The following FAM81B variants were observed in gnomAD, a reference collection of about 807,000 sequenced individuals.
FAM81B encodes protein FAM81B.
In FAM81B, 60 loss-of-function variants were observed where a neutral mutation model predicts 58.7. The ratio of observed to expected loss-of-function variants is 1.02; its 90% CI spans 0.83 to 1.27. FAM81B has a LOEUF of 1.27. FAM81B is among the 50% of genes most tolerant of loss of function. FAM81B has a pLI of 0.00. For missense variants in FAM81B, 491 were observed against 522.0 expected (o/e 0.94, Z 0.58); for synonymous variants, 189 against 179.6 (o/e 1.05, Z -0.42).
At chr5:95,416,228 A>T (rs928067292) in intron 4 of FAM81B, among the ~76,000 whole-genome samples, 1 of 152,244 alleles carries the variant, frequency 6.6e-6, no homozygotes, top group African/African-American at 2.4e-5. Context: ...GTATTTTAAA[A>T]GAACCTAACC....
At chr5:95,437,406 C>T (rs1745148251) in intron 7 of FAM81B, among the ~76,000 whole-genome samples, 1 of 152,124 alleles carries the variant, frequency 6.6e-6, no homozygotes, top group Non-Finnish European at 1.5e-5. Flanking sequence ...AGTGCAGTGG[C>T]GCGTCTCTGC....
At chr5:95,427,141 T>G (rs972153707) in intron 5 of FAM81B, among the ~76,000 whole-genome samples, 1 of 152,062 alleles carries the variant, frequency 6.6e-6, no homozygotes, top group Non-Finnish European at 1.5e-5. Context: ...TTTTAACCAG[T>G]AGCCTCCACT....
intron 5 of FAM81B, among the ~76,000 whole-genome samples, chr5:95,421,458 A>C (rs1762681565): frequency 6.6e-6 from 1 of 152,208 alleles, no homozygotes; most frequent in South Asian, 2.1e-4. Flanking sequence ...TACCTGGGAG[A>C]ATGGCATTTT....
At chr5:95,439,264 A>ATATC (rs1259609058) in intron 7 of FAM81B, among the ~76,000 whole-genome samples, 1 of 142,594 alleles carries the variant, frequency 7.0e-6, no homozygotes, top group Non-Finnish European at 1.5e-5. Context: ...ATATATATAT[A>ATATC]TGTATATTTT....
chr5:95,441,438 G>A (rs1359451909), intron 7 of FAM81B, among the ~76,000 whole-genome samples: 3 of 151,892 alleles, frequency 2.0e-5, no homozygotes, highest in Non-Finnish European at 2.9e-5. Context: ...CCGTGGTGGC[G>A]GGCGCCTGTA....
At chr5:95,440,154 G>T (rs550801278) in intron 7 of FAM81B, 2 of 584,460 alleles carry the variant, frequency 3.4e-6, no homozygotes, top group East Asian at 4.1e-5. Flanking sequence ...TTTGAAAAGT[G>T]TCTCAGAGGT....
At chr5:95,443,689 G>A (rs1294950112) in intron 7 of FAM81B, among the ~76,000 whole-genome samples, 2 of 152,264 alleles carry the variant, frequency 1.3e-5, no homozygotes, top group African/African-American at 2.4e-5. Flanking sequence ...ATCTCTCAAG[G>A]AGATTGCTAT....
At chr5:95,446,100 G>A (rs568164042) in intron 7 of FAM81B, among the ~76,000 whole-genome samples, 5 of 152,294 alleles carry the variant, frequency 3.3e-5, no homozygotes, top group African/African-American at 1.2e-4. Flanking sequence ...GCATTGAGTG[G>A]TTGCAACAGA....
intron 3 of FAM81B, among the ~76,000 whole-genome samples, chr5:95,404,144 C>T (rs1324171782): frequency 1.3e-5 from 2 of 152,140 alleles, no homozygotes; most frequent in South Asian, 4.1e-4. Context: ...AGCACTGGCT[C>T]AAAGAAAATA....
At chr5:95,429,179 G>A (rs1744764624) in intron 6 of FAM81B, among the ~76,000 whole-genome samples, 1 of 152,120 alleles carries the variant, frequency 6.6e-6, no homozygotes, top group African/African-American at 2.4e-5. Flanking sequence ...TAAGTCCTTT[G>A]GTTGGTCTGG....
At chr5:95,433,263 T>C (rs1050859862) in intron 6 of FAM81B, among the ~76,000 whole-genome samples, 7 of 150,388 alleles carry the variant, frequency 4.7e-5, no homozygotes, top group African/African-American at 1.7e-4. Flanking sequence ...AGGTGAAGGG[T>C]AGCAAAGGCA....
intron 6 of FAM81B, among the ~76,000 whole-genome samples, chr5:95,430,126 C>T (rs1248816208): frequency 6.6e-6 from 1 of 152,056 alleles, no homozygotes; most frequent in Non-Finnish European, 1.5e-5. Flanking sequence ...TCAAAAGTGA[C>T]ATTGGACTAT....
At chr5:95,417,154 G>A (rs966143913) in intron 4 of FAM81B, among the ~76,000 whole-genome samples, 2 of 152,184 alleles carry the variant, frequency 1.3e-5, no homozygotes, top group African/African-American at 4.8e-5. Context: ...TGAATACTGT[G>A]AAAGCTCTTG....
At chr5:95,434,874 T>G (rs1745040319) in intron 6 of FAM81B, among the ~76,000 whole-genome samples, 1 of 152,260 alleles carries the variant, frequency 6.6e-6, no homozygotes, top group Non-Finnish European at 1.5e-5. Flanking sequence ...GATTTACTCT[T>G]CGGCACTTGT....
intron 5 of FAM81B, chr5:95,424,167 AAC>A: frequency 7.8e-7 from 1 of 1,289,842 alleles, no homozygotes; most frequent in South Asian, 1.2e-5. Flanking sequence ...CCAGCCACCA[AAC>A]ACACTCACTG....
intron 3 of FAM81B, among the ~76,000 whole-genome samples, chr5:95,399,671 T>C (rs995196750): frequency 2.0e-5 from 3 of 152,174 alleles, no homozygotes; most frequent in Non-Finnish European, 4.4e-5. Flanking sequence ...AGAACTCCAC[T>C]GAGGTCAGGC....
At chr5:95,438,977 C>G (rs1032023665) in intron 7 of FAM81B, among the ~76,000 whole-genome samples, 1 of 150,516 alleles carries the variant, frequency 6.6e-6, no homozygotes, top group Non-Finnish European at 1.5e-5. Context: ...ATTTCTATAC[C>G]TATTACTCAA....
chr5:95,450,387 C>A lies in FAM81B; in HGVS notation c.*105C>A. On this transcript the variant is annotated 3_prime_UTR_variant, in exon 10 of 10. Coordinates refer to ENST00000283357, the MANE Select transcript of FAM81B (RefSeq NM_152548.3). The stretch of plus-strand genomic sequence containing the variant: ...CTGGGATGTTTACTGCTTCTAATGT[C>A]TCCTTTTAAGGAGACGAATGTACCA... The A allele has an allele frequency of 6.5e-7, 1 of 1,545,624 alleles. No individual in the cohort carries two copies. The highest frequency in any genetic ancestry group is 1.3e-5 in the South Asian group (1 of 79,152).
chr5:95,448,212 G>A, intron 8 of FAM81B, 57 bp from the exon 9 acceptor site: 1 of 1,463,332 alleles, frequency 6.8e-7, no homozygotes, highest in Non-Finnish European at 9.3e-7. Context: ...TTTTCTCTAA[G>A]CTGAAAGATA....
Sources: gnomAD v4.1 joint callset for allele counts (sites outside exome capture counted in the v4.1 genomes callset) on GRCh38, gnomAD v4.1.1 for gene constraint, MANE v1.5 for transcripts, NCBI Gene and HGNC (gene_info 2026-07-23, HGNC 2026-07-21) for gene names.